Variants in SCFD2 observed in about 807,000 individuals in gnomAD.
The protein encoded by SCFD2 is sec1 family domain containing 2.
A neutral mutation model predicts 58.9 loss-of-function variants in SCFD2; 54 were observed. That is an observed-to-expected ratio of 0.92 (90% CI 0.74 to 1.15). The LOEUF is 1.15. Ranked by LOEUF, SCFD2 falls within the 50% of genes most tolerant of loss-of-function variation. The pLI, the probability that SCFD2 is intolerant of heterozygous loss-of-function variation, is 0.00. For synonymous variants in SCFD2, 321 were observed against 335.9 expected (o/e 0.96, Z 0.49); for missense variants, 805 against 836.6 (o/e 0.96, Z 0.47).
At chr4:53,212,668 T>C (rs1357626003) in intron 4 of SCFD2, among the ~76,000 whole-genome samples, 3 of 151,280 alleles carry the variant, frequency 2.0e-5, no homozygotes, top group Non-Finnish European at 4.4e-5. Context: ...AAATGATTAA[T>C]ATTCATTAAG....
At chr4:53,126,490 A>G (rs1376271592) in intron 5 of SCFD2, among the ~76,000 whole-genome samples, 1 of 152,044 alleles carries the variant, frequency 6.6e-6, no homozygotes, top group East Asian at 1.9e-4. Context: ...TAATTTTTGT[A>G]TTTTTAGTAG....
At chr4:53,178,280 G>A (rs1024608431) in intron 4 of SCFD2, among the ~76,000 whole-genome samples, 5 of 152,122 alleles carry the variant, frequency 3.3e-5, no homozygotes, top group Admixed American at 6.5e-5. Flanking sequence ...TCACACAGCC[G>A]GGTACTCCTC....
chr4:53,255,848 C>A (rs7681648), intron 4 of SCFD2, among the ~76,000 whole-genome samples: 12,214 of 143,748 alleles, frequency 0.085, 974 homozygotes, highest in African/African-American at 0.17. Context: ...GGGGCTGACC[C>A]CCCCACCTCC....
intron 7 of SCFD2, among the ~76,000 whole-genome samples, chr4:52,897,615 T>C (rs928652394): frequency 1.3e-5 from 2 of 152,194 alleles, no homozygotes; most frequent in Non-Finnish European, 2.9e-5. Flanking sequence ...GGTCTAAAAT[T>C]CTCTTTTTTT....
intron 5 of SCFD2, among the ~76,000 whole-genome samples, chr4:53,125,613 C>T (rs1725603613): frequency 6.6e-6 from 1 of 152,220 alleles, no homozygotes; most frequent in Non-Finnish European, 1.5e-5. Flanking sequence ...TCAATGGGCA[C>T]ACATGCCTGA....
At chr4:53,092,846 T>C (rs1724512936) in intron 5 of SCFD2, among the ~76,000 whole-genome samples, 1 of 151,988 alleles carries the variant, frequency 6.6e-6, no homozygotes, top group Admixed American at 6.6e-5. Context: ...TGTCAGATGG[T>C]AATGTTATCA....
chr4:53,060,351 C>T (rs1054082310), intron 5 of SCFD2, among the ~76,000 whole-genome samples: 1 of 152,046 alleles, frequency 6.6e-6, no homozygotes, highest in African/African-American at 2.4e-5. Context: ...CATGAACGAC[C>T]TCCAAATGTG....
chr4:52,899,866 T>C (rs1047558862), intron 7 of SCFD2, among the ~76,000 whole-genome samples: 1 of 152,226 alleles, frequency 6.6e-6, no homozygotes. Context: ...TTCTTTTTTC[T>C]CTAAACTTCT....
At chr4:52,936,444 G>A (rs1267822192) in intron 5 of SCFD2, among the ~76,000 whole-genome samples, 2 of 152,066 alleles carry the variant, frequency 1.3e-5, no homozygotes, top group South Asian at 2.1e-4. Flanking sequence ...TGAAATATGG[G>A]GTCAGGTACA....
At chr4:52,950,792 A>G (rs531435464) in intron 5 of SCFD2, 1 of 152,204 alleles carries the variant, frequency 6.6e-6, no homozygotes, top group East Asian at 1.9e-4. Flanking sequence ...GCCCACCAGG[A>G]CCTTGTGGAC....
chr4:53,220,789 T>C (rs80212953), intron 4 of SCFD2, among the ~76,000 whole-genome samples: 4 of 152,206 alleles, frequency 2.6e-5, no homozygotes, highest in Non-Finnish European at 5.9e-5. Context: ...TGGTAATGGT[T>C]TGGGGAAGAA....
chr4:52,907,734 G>GTC (rs1251984530), intron 6 of SCFD2, 143 bp from the exon 7 acceptor site: 1 of 700,306 alleles, frequency 1.4e-6, no homozygotes, highest in Non-Finnish European at 2.4e-6. Context: ...GTGTGTGTGT[G>GTC]TGTGTGTGTC....
chr4:53,113,320 A>G (rs1183268545), intron 5 of SCFD2, among the ~76,000 whole-genome samples: 1 of 152,084 alleles, frequency 6.6e-6, no homozygotes, highest in Middle Eastern at 3.2e-3. Flanking sequence ...TATGAGCAGA[A>G]GCTACTGTGT....
chr4:53,040,083 T>C (rs1722857523), intron 5 of SCFD2, among the ~76,000 whole-genome samples: 1 of 152,204 alleles, frequency 6.6e-6, no homozygotes, highest in African/African-American at 2.4e-5. Context: ...GCATTGAGCA[T>C]AGTACTATGG....
intron 2 of SCFD2, among the ~76,000 whole-genome samples, chr4:53,324,688 T>C (rs905008643): frequency 1.3e-5 from 2 of 152,068 alleles, no homozygotes; most frequent in African/African-American, 4.8e-5. Flanking sequence ...GTTTAAATCA[T>C]TTCTGTGGGC....
chr4:52,992,453 T>C (rs1721634357), intron 5 of SCFD2, among the ~76,000 whole-genome samples: 1 of 152,176 alleles, frequency 6.6e-6, no homozygotes, highest in African/African-American at 2.4e-5. Flanking sequence ...CGCCACCCCG[T>C]CTGGGAAGTG....
chr4:52,878,285 T>C (rs1233424216), intron 8 of SCFD2, among the ~76,000 whole-genome samples: 1 of 152,202 alleles, frequency 6.6e-6, no homozygotes, highest in Non-Finnish European at 1.5e-5. Flanking sequence ...GCAGGGAGTG[T>C]AGCCACGGTC....
At chr4:53,002,631 T>C (rs911161330) in intron 5 of SCFD2, among the ~76,000 whole-genome samples, 5 of 152,158 alleles carry the variant, frequency 3.3e-5, no homozygotes, top group Non-Finnish European at 7.4e-5. Context: ...TATAAGGATA[T>C]GGGCAAAGAA....
intron 3 of SCFD2, among the ~76,000 whole-genome samples, chr4:53,301,147 C>T (rs1732272995): frequency 6.6e-6 from 1 of 152,014 alleles, no homozygotes; most frequent in South Asian, 2.1e-4. Flanking sequence ...TTCAAAAAAT[C>T]AATAAATCCA....
Sources: gnomAD v4.1 joint callset for allele counts (sites outside exome capture counted in the v4.1 genomes callset) on GRCh38, gnomAD v4.1.1 for gene constraint, MANE v1.5 for transcripts, NCBI Gene and HGNC (gene_info 2026-07-23, HGNC 2026-07-21) for gene names.